The following PCDH15 variants were observed in gnomAD, a reference collection of about 807,000 sequenced individuals.
PCDH15 encodes protocadherin-15.
In PCDH15, 129 loss-of-function variants were observed where a neutral mutation model predicts 178.5. The observed-to-expected ratio is 0.72, with a 90% CI of 0.63 to 0.84. The LOEUF (loss-of-function observed/expected upper bound fraction) is 0.84. PCDH15 is among the 40% of genes least tolerant of loss of function. The pLI, the probability that PCDH15 is intolerant of heterozygous loss-of-function variation, is 0.00. For missense variants in PCDH15, 2,230 were observed against 2,099.9 expected, an observed-to-expected ratio of 1.06 and a Z score of -1.21; for synonymous variants, 800 against 732.0, an observed-to-expected ratio of 1.09 and a Z score of -1.50.
intron 2 of PCDH15, among the ~76,000 whole-genome samples, chr10:55,035,743 G>A (rs148201492): frequency 7.5e-4 from 114 of 152,234 alleles, no homozygotes; most frequent in African/African-American, 2.5e-3. Context: ...TTGGCTGAAC[G>A]GAAGGACATC....
chr10:54,945,615 G>T (rs1055647752), intron 2 of PCDH15, among the ~76,000 whole-genome samples: 7 of 151,504 alleles, frequency 4.6e-5, no homozygotes, highest in African/African-American at 1.7e-4. Flanking sequence ...GTATTAAAGA[G>T]AAATTTGTTT....
intron 2 of PCDH15, among the ~76,000 whole-genome samples, chr10:55,050,359 T>C (rs115263497): frequency 7.2e-5 from 11 of 151,968 alleles, no homozygotes; most frequent in Non-Finnish European, 1.3e-4. Flanking sequence ...AAGTACCTTG[T>C]ACATTAAATG....
chr10:54,523,770 A>C (rs1421382336), intron 3 of PCDH15, among the ~76,000 whole-genome samples: 1 of 152,222 alleles, frequency 6.6e-6, no homozygotes, highest in East Asian at 1.9e-4. Context: ...TCAGATTTTC[A>C]GTGTCTTAAC....
intron 2 of PCDH15, among the ~76,000 whole-genome samples, chr10:55,435,413 A>G (rs1403284833): frequency 2.6e-5 from 4 of 152,180 alleles, no homozygotes; most frequent in Non-Finnish European, 4.4e-5. Flanking sequence ...ATAGTTAATT[A>G]AATAATTTAA....
chr10:54,761,282 A>T (rs1450612563), intron 1 of PCDH15, among the ~76,000 whole-genome samples: 1 of 152,142 alleles, frequency 6.6e-6, no homozygotes, highest in African/African-American at 2.4e-5. Context: ...AGTTTGGGTC[A>T]TGTTTATGAC....
intron 1 of PCDH15, among the ~76,000 whole-genome samples, chr10:55,210,368 CAT>C (rs1480072320): frequency 6.6e-5 from 10 of 151,762 alleles, no homozygotes. Flanking sequence ...AAAATGAATA[CAT>C]ATGTTAATTT....
intron 5 of PCDH15, among the ~76,000 whole-genome samples, chr10:54,348,555 A>G (rs1452295347): frequency 1.4e-4 from 21 of 152,150 alleles, no homozygotes; most frequent in Non-Finnish European, 7.4e-5. Flanking sequence ...GTACTTTGAT[A>G]TTTTTATTAC....
intron 1 of PCDH15, among the ~76,000 whole-genome samples, chr10:55,209,347 T>C (rs905527163): frequency 6.6e-5 from 10 of 152,068 alleles, no homozygotes; most frequent in African/African-American, 2.2e-4. Flanking sequence ...AAGAGAGAGA[T>C]GACTTGAAAA....
chr10:54,653,721 T>A (rs2094314176), intron 2 of PCDH15, among the ~76,000 whole-genome samples: 1 of 152,240 alleles, frequency 6.6e-6, no homozygotes, highest in African/African-American at 2.4e-5. Flanking sequence ...AACTCAGTGT[T>A]ATTCAAATTT....
At chr10:53,890,528 C>T (rs1321871248) in intron 26 of PCDH15, among the ~76,000 whole-genome samples, 2 of 152,206 alleles carry the variant, frequency 1.3e-5, no homozygotes, top group Admixed American at 6.5e-5. Context: ...ATGAGCCTCA[C>T]TGACTTTTGT....
chr10:53,996,309 TTAAGA>T (rs1278832760), intron 20 of PCDH15, among the ~76,000 whole-genome samples: 1 of 152,158 alleles, frequency 6.6e-6, no homozygotes, highest in Non-Finnish European at 1.5e-5. Flanking sequence ...ATAATGACAC[TTAAGA>T]TTAGATATAT....
chr10:54,695,285 C>T (rs571424850), intron 1 of PCDH15, among the ~76,000 whole-genome samples: 1 of 152,160 alleles, frequency 6.6e-6, no homozygotes, highest in African/African-American at 2.4e-5. Flanking sequence ...AAAATCAAAC[C>T]AACCACAACA....
At chr10:55,283,289 A>G (rs1402321294) in intron 1 of PCDH15, among the ~76,000 whole-genome samples, 2 of 151,798 alleles carry the variant, frequency 1.3e-5, no homozygotes, top group African/African-American at 2.4e-5. Context: ...GACAGCTTCA[A>G]CTCCCTATGA....
intron 2 of PCDH15, among the ~76,000 whole-genome samples, chr10:54,650,558 A>G (rs1447429365): frequency 1.3e-5 from 2 of 152,116 alleles, no homozygotes; most frequent in African/African-American, 4.8e-5. Context: ...ATTTCAAGAG[A>G]CTTCTTGAGT....
intron 1 of PCDH15, among the ~76,000 whole-genome samples, chr10:54,748,797 A>C (rs1945805738): frequency 2.0e-5 from 3 of 152,200 alleles, no homozygotes; most frequent in Admixed American, 1.3e-4. Flanking sequence ...AGGGTGGAAA[A>C]GCACTCATTT....
rs556222875 is a variant in PCDH15, at chr10:54,330,691, T to C, written c.595-985A>G. On this transcript the variant is annotated intron_variant, in intron 6 of 37. Coordinates refer to ENST00000644397, the MANE Select transcript of PCDH15 (RefSeq NM_001384140.1). ...ATGGAAGTCATAAGGGCAACACTAG[T>C]GCTCTGGTATAAGCAGCCCTCAGTG... 9.2e-5 allele frequency among the ~76,000 whole-genome samples: 14 copies of C among 152,074 alleles called. No individual in the cohort carries two copies. The South Asian group carries it at 2.9e-3, about 31-fold the overall frequency.
chr10:55,220,251 C>A (rs538023455), intron 1 of PCDH15, among the ~76,000 whole-genome samples: 1 of 151,956 alleles, frequency 6.6e-6, no homozygotes, highest in Non-Finnish European at 1.5e-5. Flanking sequence ...CTGAACCAAA[C>A]GAGATAACCT....
At chr10:54,385,209 G>T (rs1949771262) in intron 3 of PCDH15, among the ~76,000 whole-genome samples, 2 of 152,050 alleles carry the variant, frequency 1.3e-5, no homozygotes, top group South Asian at 4.1e-4. Flanking sequence ...ACCTCTAGGA[G>T]AATTCTGAGT....
intron 2 of PCDH15, among the ~76,000 whole-genome samples, chr10:55,128,029 C>A (rs1188443879): frequency 1.3e-5 from 2 of 151,992 alleles, no homozygotes; most frequent in Admixed American, 6.6e-5. Context: ...AGACTTTCCC[C>A]AGGCAATAAT....
Sources: gnomAD v4.1 joint callset for allele counts (sites outside exome capture counted in the v4.1 genomes callset) on GRCh38, gnomAD v4.1.1 for gene constraint, MANE v1.5 for transcripts, NCBI Gene and HGNC (gene_info 2026-07-23, HGNC 2026-07-21) for gene names.